TOGARAM2: variants seen among roughly 807,000 people sequenced by gnomAD.
TOGARAM2 encodes the protein TOG array regulator of axonemal microtubules 2.
TOGARAM2 carries 85 observed loss-of-function variants against 93.3 expected under a neutral mutation model. The ratio of observed to expected loss-of-function variants is 0.91; its 90% CI spans 0.76 to 1.09. The LOEUF (loss-of-function observed/expected upper bound fraction) is 1.09, where lower values mean the gene tolerates loss of function less well. Ranked by LOEUF, TOGARAM2 falls within the 50% of genes least tolerant of loss-of-function variation. The pLI is 0.00. For synonymous variants in TOGARAM2, 593 were observed against 552.8 expected, an observed-to-expected ratio of 1.07 and a Z score of -1.02; for missense variants, 1,277 against 1,334.5, an observed-to-expected ratio of 0.96 and a Z score of 0.67.
rs541921150 is a variant in TOGARAM2, at chr2:28,974,268, C to T, written c.-147+17571C>T. Among the ~76,000 whole-genome samples, 11 of 149,692 alleles carry T rather than the reference C, an allele frequency of 7.3e-5. No homozygotes were observed. In the East Asian group the frequency reaches 2.2e-3, roughly 30 times the overall value. On this transcript the variant is annotated intron_variant, in intron 1 of 6. Coordinates refer to the TOGARAM2 transcript ENST00000401723. ...TCAGCCTCCTGAGTAGCTGGGATTA[C>T]AGGTGTGCACCACCACGCCCAGCTA...
chr2:29,018,024 T>G, intron 10 of TOGARAM2, 68 bp downstream of exon 10: 1 of 1,472,132 alleles, frequency 6.8e-7, no homozygotes, highest in South Asian at 1.4e-5. Context: ...CCCTGAGGCA[T>G]GGCAGAGGTG....
intron 1 of TOGARAM2, among the ~76,000 whole-genome samples, chr2:28,983,802 G>C (rs77231858): frequency 9.9e-4 from 151 of 152,270 alleles, no homozygotes; most frequent in African/African-American, 3.5e-3. Context: ...CCATTGCTCT[G>C]TGCTCTCACT....
chr2:29,008,341 C>G (rs1664012349), intron 6 of TOGARAM2, among the ~76,000 whole-genome samples: 4 of 152,016 alleles, frequency 2.6e-5, no homozygotes, highest in Non-Finnish European at 5.9e-5. Context: ...AGTAGAGCTG[C>G]AGTTTCATCA....
intron 14 of TOGARAM2, 120 bp downstream of exon 14, chr2:29,027,131 A>T: frequency 9.4e-7 from 1 of 1,067,172 alleles, no homozygotes; most frequent in South Asian, 1.8e-5. Context: ...AGGTAGGCGG[A>T]AGCTATGTCC....
At chr2:28,962,709 T>G in intron 1 of TOGARAM2, among the ~76,000 whole-genome samples, 1 of 151,132 alleles carries the variant, frequency 6.6e-6, no homozygotes, top group Admixed American at 6.6e-5. Context: ...TAAATTTTGA[T>G]TCCCTCTCCC....
intron 1 of TOGARAM2, among the ~76,000 whole-genome samples, chr2:28,990,446 G>T (rs1672665169): frequency 6.6e-6 from 1 of 152,106 alleles, no homozygotes; most frequent in Non-Finnish European, 1.5e-5. Context: ...GAGCATTCTG[G>T]GTCTCCCCCG....
chr2:29,001,203 C>A (rs890093570), intron 4 of TOGARAM2, among the ~76,000 whole-genome samples: 3 of 152,182 alleles, frequency 2.0e-5, no homozygotes, highest in Non-Finnish European at 4.4e-5. Context: ...CACACCCCTT[C>A]TTTTCCATCC....
intron 1 of TOGARAM2, among the ~76,000 whole-genome samples, chr2:28,964,999 A>G (rs1029064431): frequency 4.6e-5 from 7 of 152,190 alleles, no homozygotes; most frequent in African/African-American, 1.7e-4. Flanking sequence ...CTTTGGGTAT[A>G]TACCCAGTAA....
At position 29,045,407 on chromosome 2, in the gene TOGARAM2, G is replaced by T; in HGVS notation, c.2719G>T (p.Ala907Ser). ...GGTGCTGGATGTCACAGATCGCCTG[G>T]CAGGTGAGCACCCCCAGCCCCACCC... ...RAVLDVTDRL[A>S]VLVASVYPRK... Residue 907 changes from alanine to serine, a missense_variant, in exon 19 of 20, where the codon GCA becomes TCA. Transcript: ENST00000379558. The T allele has an allele frequency of 6.2e-7, 1 of 1,612,930 alleles. No individual in the cohort carries two copies. The highest frequency in any genetic ancestry group is 8.5e-7 in the Non-Finnish European group (1 of 1,179,842).
intron 1 of TOGARAM2, among the ~76,000 whole-genome samples, chr2:28,967,640 T>C (rs1263976082): frequency 2.6e-5 from 4 of 152,058 alleles, no homozygotes; most frequent in African/African-American, 9.7e-5. Context: ...AAATTAAGTA[T>C]TGAAAAAGCA....
chr2:29,009,933 C>T (rs1261231378), intron 6 of TOGARAM2, among the ~76,000 whole-genome samples: 1 of 151,928 alleles, frequency 6.6e-6, no homozygotes, highest in Non-Finnish European at 1.5e-5. Context: ...GCTGTGGGGT[C>T]GCTAGAGAAG....
chr2:29,023,192 G>T lies in TOGARAM2; in HGVS notation c.1617+1G>T, dbSNP rs1558445165. On this transcript the variant is annotated splice_donor_variant, in intron 12 of 19. Transcript: ENST00000379558. LOFTEE classifies it high-confidence loss of function. Reference sequence around the variant, plus strand: ...CGTGTGCTTGGTGGTGACTGGGGAGGTGAGGCCCCCCAGCCTGTGTGCTGT... The same window carrying T: ...CGTGTGCTTGGTGGTGACTGGGGAGTTGAGGCCCCCCAGCCTGTGTGCTGT... The T allele has an allele frequency of 1.9e-6, 3 of 1,579,594 alleles. No homozygotes were observed. The highest frequency in any genetic ancestry group is 2.6e-6 in the Non-Finnish European group (3 of 1,162,434).
At chr2:29,047,409 G>A (rs934382042) in intron 19 of TOGARAM2, 2 of 152,216 alleles carry the variant, frequency 1.3e-5, no homozygotes, top group Admixed American at 6.5e-5. Context: ...ATTTCCAAGA[G>A]ACCTCAAAAG....
At chr2:29,006,329 CATGTGTGTGT>C (rs1262348564) in intron 6 of TOGARAM2, among the ~76,000 whole-genome samples, 3 of 138,300 alleles carry the variant, frequency 2.2e-5, no homozygotes, top group African/African-American at 9.0e-5. Flanking sequence ...GGAGTGTGTG[CATGTGTGTGT>C]ATGTGTGTAT....
chr2:29,000,925 T>C (rs1673255722), intron 4 of TOGARAM2, among the ~76,000 whole-genome samples: 1 of 152,244 alleles, frequency 6.6e-6, no homozygotes, highest in African/African-American at 2.4e-5. Flanking sequence ...CTTAGGGGCT[T>C]GAAGCCCTTT....
At chr2:29,015,556 A>G (rs548958840) in intron 8 of TOGARAM2, among the ~76,000 whole-genome samples, 2 of 152,300 alleles carry the variant, frequency 1.3e-5, no homozygotes, top group African/African-American at 4.8e-5. Context: ...ACCAAGAGAA[A>G]ATGATTGCCG....
chr2:28,978,838 C>G (rs1362556528), upstream of TOGARAM2, among the ~76,000 whole-genome samples: 1 of 152,120 alleles, frequency 6.6e-6, no homozygotes, highest in Non-Finnish European at 1.5e-5. Flanking sequence ...CTGGAGGAGA[C>G]AGGTGACATC....
At chr2:28,957,001 T>C (rs1039488344) in intron 1 of TOGARAM2, among the ~76,000 whole-genome samples, 1 of 151,906 alleles carries the variant, frequency 6.6e-6, no homozygotes, top group Admixed American at 6.6e-5. Context: ...GGAGGGCATC[T>C]GTAATCCCAG....
At chr2:29,029,716 A>T (rs1336105023) in intron 14 of TOGARAM2, among the ~76,000 whole-genome samples, 1 of 146,924 alleles carries the variant, frequency 6.8e-6, no homozygotes, top group Non-Finnish European at 1.5e-5. Context: ...AGATCGCGCC[A>T]CTGCACTCCA....
Sources: gnomAD v4.1 joint callset for allele counts (sites outside exome capture counted in the v4.1 genomes callset) on GRCh38, gnomAD v4.1.1 for gene constraint, MANE v1.5 for transcripts, NCBI Gene and HGNC (gene_info 2026-07-23, HGNC 2026-07-21) for gene names.